GRM7: variants seen among roughly 807,000 people sequenced by gnomAD.
GRM7 encodes metabotropic glutamate receptor 7.
Under a neutral mutation model 84.5 loss-of-function variants are expected in GRM7, and 35 were observed. That is an observed-to-expected ratio of 0.41 (90% CI 0.32 to 0.55). The LOEUF (loss-of-function observed/expected upper bound fraction) is 0.55, where lower values mean the gene tolerates loss of function less well. Ranked by LOEUF, GRM7 falls within the 20% of genes least tolerant of loss-of-function variation. The probability of loss-of-function intolerance (pLI) is 0.19; values close to 1 mark genes in which losing one functional copy is unlikely to be tolerated. For missense variants in GRM7, 1,003 were observed against 1,194.6 expected (o/e 0.84, Z 2.36); for synonymous variants, 487 against 455.1 (o/e 1.07, Z -0.89).
chr3:7,276,796 TTCCTTC>T lies in GRM7; in HGVS notation c.737-21887_737-21882del, dbSNP rs1699083928. ...CTTCCTTCCTTCCTTCCTTCCTTCCTTCCTTCCTTTTTGGTGGTGGCATGTTGTTGT... is the reference window on the plus strand; with the variant it reads ...CTTCCTTCCTTCCTTCCTTCCTTCCTCTTTTTGGTGGTGGCATGTTGTTGT... On this transcript the variant is annotated intron_variant, in intron 2 of 9. Coordinates refer to ENST00000357716, the MANE Select transcript of GRM7 (RefSeq NM_000844.4). Among the ~76,000 whole-genome samples the T allele has an allele frequency of 2.3e-3, 7 of 3,002 alleles. 1 individual carries two copies. The highest frequency in any genetic ancestry group is 8.5e-3 in the South Asian group (1 of 118). 2.0% of individuals were successfully genotyped at this position (3,002 alleles called of 152,430 possible).
chr3:7,380,172 A>G (rs565665894), intron 4 of GRM7, among the ~76,000 whole-genome samples: 1 of 152,342 alleles, frequency 6.6e-6, no homozygotes, highest in East Asian at 1.9e-4. Flanking sequence ...GGAGAAATAA[A>G]GAATTGTTCA....
At chr3:7,571,364 C>A (rs796999437) in intron 7 of GRM7, among the ~76,000 whole-genome samples, 13 of 152,306 alleles carry the variant, frequency 8.5e-5, no homozygotes, top group African/African-American at 2.4e-4. Flanking sequence ...CCCAAGTCAC[C>A]TCTTAAATGC....
chr3:6,958,039 G>A (rs767093501), intron 1 of GRM7, among the ~76,000 whole-genome samples: 44 of 151,884 alleles, frequency 2.9e-4, no homozygotes, highest in African/African-American at 7.3e-4. Context: ...TGTAATACAC[G>A]GCATACATGT....
intron 7 of GRM7, among the ~76,000 whole-genome samples, chr3:7,484,223 GT>G (rs1163479476): frequency 6.6e-6 from 1 of 152,168 alleles, no homozygotes; most frequent in Non-Finnish European, 1.5e-5. Context: ...ACGTGGGTTT[GT>G]TTTTTGGTAG....
At chr3:7,325,163 G>T (rs1237446122) in intron 4 of GRM7, among the ~76,000 whole-genome samples, 1 of 152,140 alleles carries the variant, frequency 6.6e-6, no homozygotes, top group Non-Finnish European at 1.5e-5. Flanking sequence ...GAGTGGGCCA[G>T]AGGTTTCAGG....
chr3:6,983,732 A>G (rs529632359), intron 1 of GRM7, among the ~76,000 whole-genome samples: 64 of 152,236 alleles, frequency 4.2e-4, no homozygotes, highest in African/African-American at 1.5e-3. Flanking sequence ...TGGCTTTTGT[A>G]ATAATATTAT....
At chr3:7,011,993 A>T (rs1532541) in intron 1 of GRM7, among the ~76,000 whole-genome samples, 26,554 of 152,084 alleles carry the variant, frequency 0.17, 7,213 homozygotes, top group African/African-American at 0.58. Context: ...AATAAGCTTT[A>T]GAATTGACCT....
At chr3:7,120,922 C>G (rs1306034557) in intron 1 of GRM7, among the ~76,000 whole-genome samples, 2 of 152,182 alleles carry the variant, frequency 1.3e-5, no homozygotes, top group Non-Finnish European at 2.9e-5. Flanking sequence ...TCACAGCTTA[C>G]ACATGTCCCC....
At chr3:7,380,036 C>T (rs1028314219) in intron 4 of GRM7, among the ~76,000 whole-genome samples, 14 of 152,002 alleles carry the variant, frequency 9.2e-5, no homozygotes, top group Admixed American at 6.6e-4. Context: ...TACTCCATTT[C>T]GAAATGATAT....
At chr3:7,051,510 C>G (rs545735454) in intron 1 of GRM7, among the ~76,000 whole-genome samples, 3 of 151,784 alleles carry the variant, frequency 2.0e-5, no homozygotes, top group Non-Finnish European at 4.4e-5. Context: ...GAGACTCTAG[C>G]TGTGGAACAT....
At chr3:7,022,202 G>T (rs1049025998) in intron 1 of GRM7, among the ~76,000 whole-genome samples, 1 of 151,804 alleles carries the variant, frequency 6.6e-6, no homozygotes, top group Admixed American at 6.6e-5. Flanking sequence ...TGGTGCGCAT[G>T]TGTAGTCCCA....
intron 2 of GRM7, among the ~76,000 whole-genome samples, chr3:7,203,501 G>A (rs981174247): frequency 5.3e-5 from 8 of 152,042 alleles, no homozygotes; most frequent in Non-Finnish European, 8.8e-5. Context: ...CCATTGATGG[G>A]CTCTTAGGTT....
At chr3:7,648,000 T>C (rs1698731989) in intron 8 of GRM7, among the ~76,000 whole-genome samples, 1 of 151,940 alleles carries the variant, frequency 6.6e-6, no homozygotes. Flanking sequence ...CAGAGAAGAG[T>C]CTTTTGCCTT....
intron 8 of GRM7, among the ~76,000 whole-genome samples, chr3:7,662,539 T>C (rs1269939496): frequency 6.6e-6 from 1 of 152,178 alleles, no homozygotes; most frequent in South Asian, 2.1e-4. Flanking sequence ...AATGGAGAAA[T>C]TTGACTTTGT....
intron 2 of GRM7, among the ~76,000 whole-genome samples, chr3:7,162,714 T>A (rs9822262): frequency 0.21 from 29,497 of 142,532 alleles, 3,481 homozygotes; most frequent in Middle Eastern, 0.3. Flanking sequence ...CAATCTCCCA[T>A]TACTCCCATT....
At chr3:7,415,811 C>CT (rs1696136112) in intron 5 of GRM7, among the ~76,000 whole-genome samples, 1 of 152,148 alleles carries the variant, frequency 6.6e-6, no homozygotes, top group South Asian at 2.1e-4. Flanking sequence ...AATCCTCCCT[C>CT]TATGTTGCCC....
intron 8 of GRM7, among the ~76,000 whole-genome samples, chr3:7,618,299 A>G (rs1486878493): frequency 6.6e-6 from 1 of 152,122 alleles, no homozygotes; most frequent in African/African-American, 2.4e-5. Context: ...TGATCATTAA[A>G]TTAGTTAATA....
intron 5 of GRM7, among the ~76,000 whole-genome samples, chr3:7,422,181 G>A (rs2124829724): frequency 6.6e-6 from 1 of 152,182 alleles, no homozygotes; most frequent in South Asian, 2.1e-4. Context: ...TTCCTCTCAA[G>A]GGCAGGTAGT....
At chr3:6,923,737 T>C (rs1412013375) in intron 1 of GRM7, among the ~76,000 whole-genome samples, 7 of 152,218 alleles carry the variant, frequency 4.6e-5, no homozygotes, top group Non-Finnish European at 7.3e-5. Flanking sequence ...AATTATTTAT[T>C]TCATTTGATG....
Sources: gnomAD v4.1 joint callset for allele counts (sites outside exome capture counted in the v4.1 genomes callset) on GRCh38, gnomAD v4.1.1 for gene constraint, MANE v1.5 for transcripts, NCBI Gene and HGNC (gene_info 2026-07-23, HGNC 2026-07-21) for gene names.